The following FGF12 variants were observed in gnomAD, a reference collection of about 807,000 sequenced individuals.
FGF12 encodes fibroblast growth factor 12.
FGF12 carries 14 observed loss-of-function variants against 23.6 expected under a neutral mutation model. That is an observed-to-expected ratio of 0.59 (90% CI 0.39 to 0.93). FGF12 has a LOEUF of 0.93. Ranked by LOEUF, FGF12 falls within the 40% of genes least tolerant of loss-of-function variation. The probability of loss-of-function intolerance (pLI) is 0.00; values close to 1 mark genes in which losing one functional copy is unlikely to be tolerated. For synonymous variants in FGF12, 62 were observed against 77.3 expected, an observed-to-expected ratio of 0.80 and a Z score of 1.04; for missense variants, 175 against 217.8, an observed-to-expected ratio of 0.80 and a Z score of 1.24.
chr3:192,226,189 T>G (rs1177199459), intron 4 of FGF12, among the ~76,000 whole-genome samples: 1 of 152,172 alleles, frequency 6.6e-6, no homozygotes, highest in Admixed American at 6.6e-5. Flanking sequence ...CAAGACTAAG[T>G]GAACCATTGC....
chr3:192,296,108 G>C (rs1715023331), intron 4 of FGF12, among the ~76,000 whole-genome samples: 1 of 99,446 alleles, frequency 1.0e-5, no homozygotes, highest in African/African-American at 3.9e-5. Context: ...GTTTCACCAT[G>C]TTGCCCAGGC....
chr3:192,507,508 T>G (rs1724351101), intron 2 of FGF12, among the ~76,000 whole-genome samples: 1 of 152,200 alleles, frequency 6.6e-6, no homozygotes, highest in Non-Finnish European at 1.5e-5. Flanking sequence ...ATTTGTCTTC[T>G]ATAACTGTAA....
At chr3:192,379,706 A>T (rs1465649770) in intron 2 of FGF12, among the ~76,000 whole-genome samples, 1 of 152,218 alleles carries the variant, frequency 6.6e-6, no homozygotes, top group East Asian at 1.9e-4. Flanking sequence ...TGCCTTATTT[A>T]CTCAATTTAA....
intron 4 of FGF12, among the ~76,000 whole-genome samples, chr3:192,217,826 T>A (rs1718270064): frequency 1.3e-5 from 2 of 151,998 alleles, no homozygotes; most frequent in South Asian, 2.1e-4. Flanking sequence ...CTTTTCTTTT[T>A]TTCTTTTCTT....
At chr3:192,686,637 T>C (rs1717743961) in intron 2 of FGF12, among the ~76,000 whole-genome samples, 1 of 152,066 alleles carries the variant, frequency 6.6e-6, no homozygotes. Context: ...AGAAGTTATT[T>C]GGAGATCACA....
chr3:192,454,417 CA>C (rs1722618802), intron 2 of FGF12, among the ~76,000 whole-genome samples: 1 of 152,042 alleles, frequency 6.6e-6, no homozygotes, highest in African/African-American at 2.4e-5. Flanking sequence ...CCTGTTTCGT[CA>C]GCAGAATAAA....
At chr3:192,670,157 G>A (rs1388281601) in intron 2 of FGF12, among the ~76,000 whole-genome samples, 1 of 152,100 alleles carries the variant, frequency 6.6e-6, no homozygotes, top group Non-Finnish European at 1.5e-5. Context: ...TGCAGAAGTA[G>A]ATTGACAATC....
rs1426484989 is a variant in FGF12 at position 192,360,101 on chromosome 3, A to C, written c.124+327T>G. ...CACTTGGTTCCGGGATTTAAATACC[A>C]TCTTGTGTTGGAAGATGTGCTTGTA... On this transcript the variant is annotated intron_variant, in intron 3 of 5. Transcript: ENST00000445105. The surrounding 1 kb of genome is among the most constrained non-coding windows in gnomAD (Gnocchi z 4.3). Among the ~76,000 whole-genome samples, 1 of 152,122 alleles carries C rather than the reference A, an allele frequency of 6.6e-6. No homozygotes were observed. Among genetic ancestry groups the C allele is most frequent in the East Asian group, 1.9e-4 (1 of 5,178 alleles).
intron 2 of FGF12, among the ~76,000 whole-genome samples, chr3:192,474,948 G>T (rs61266850): frequency 0.099 from 14,984 of 151,436 alleles, 2,414 homozygotes; most frequent in African/African-American, 0.34. Context: ...AAGAGAGTAG[G>T]AGAATTAACA....
At chr3:192,543,247 C>T (rs1725415704) in intron 2 of FGF12, among the ~76,000 whole-genome samples, 1 of 152,202 alleles carries the variant, frequency 6.6e-6, no homozygotes, top group Non-Finnish European at 1.5e-5. Context: ...CTCTTCCCTC[C>T]CTTTTCTGTA....
intron 4 of FGF12, among the ~76,000 whole-genome samples, chr3:192,226,094 A>T (rs902307294): frequency 6.6e-6 from 1 of 152,142 alleles, no homozygotes; most frequent in Admixed American, 6.6e-5. Flanking sequence ...GCTCCTCACC[A>T]CCTGCAAAAA....
chr3:192,291,981 C>T (rs990084230), intron 4 of FGF12, among the ~76,000 whole-genome samples: 1 of 152,120 alleles, frequency 6.6e-6, no homozygotes, highest in African/African-American at 2.4e-5. Flanking sequence ...ATTTGAAATG[C>T]CATTTAAGTA....
At chr3:192,305,130 T>A (rs1327631641) in intron 4 of FGF12, among the ~76,000 whole-genome samples, 7 of 152,096 alleles carry the variant, frequency 4.6e-5, no homozygotes, top group Admixed American at 2.0e-4. Flanking sequence ...ACTAAATTGT[T>A]ATAAATGCAT....
chr3:192,672,791 T>C (rs1717175126), intron 2 of FGF12, among the ~76,000 whole-genome samples: 1 of 150,982 alleles, frequency 6.6e-6, no homozygotes, highest in Non-Finnish European at 1.5e-5. Flanking sequence ...AGTTTGGAAC[T>C]CTTGGCAAGA....
intron 5 of FGF12, among the ~76,000 whole-genome samples, chr3:192,144,644 G>A (rs1423541627): frequency 1.3e-5 from 2 of 152,140 alleles, no homozygotes; most frequent in Non-Finnish European, 2.9e-5. Context: ...CAATTTCCCC[G>A]ACTGCCCTAC....
chr3:192,575,423 T>C (rs1047626549), intron 2 of FGF12, among the ~76,000 whole-genome samples: 5 of 152,122 alleles, frequency 3.3e-5, no homozygotes, highest in Admixed American at 3.3e-4. Context: ...GTACTTCAGT[T>C]TGGAATAAAG....
At chr3:192,146,126 G>C (rs1195090462) in intron 5 of FGF12, among the ~76,000 whole-genome samples, 1 of 151,996 alleles carries the variant, frequency 6.6e-6, no homozygotes, top group Non-Finnish European at 1.5e-5. Context: ...CACATCTGCA[G>C]GTCACCCCAC....
Position 192,141,705 on chromosome 3 carries a change from CTT to C in FGF12, c.*2302_*2303del, listed in dbSNP as rs967609591. 2.0e-5 allele frequency: 3 copies of C among 151,916 alleles called. No individual in the cohort carries two copies. The highest frequency in any genetic ancestry group is 3.9e-4 in the East Asian group (2 of 5,186). The allele number at this position is 151,916 out of a possible 1,614,324, so 9.4% of individuals were successfully genotyped here. On this transcript the variant is annotated 3_prime_UTR_variant, in exon 6 of 6. Coordinates refer to ENST00000445105, the MANE Select transcript of FGF12 (RefSeq NM_004113.6). ...ATATCTCTATTTTTTTCATAACAAA[CTT>C]AATTAAATATATTTTGTCATGAAAT...
At chr3:192,363,951 T>C (rs1718857600) in intron 2 of FGF12, among the ~76,000 whole-genome samples, 1 of 152,178 alleles carries the variant, frequency 6.6e-6, no homozygotes, top group Non-Finnish European at 1.5e-5. Flanking sequence ...AACATATTTG[T>C]GTATAATACC....
Sources: gnomAD v4.1 joint callset for allele counts (sites outside exome capture counted in the v4.1 genomes callset) on GRCh38, gnomAD v4.1.1 for gene constraint, Gnocchi (gnomAD v3.1) non-coding constraint, MANE v1.5 for transcripts, NCBI Gene and HGNC (gene_info 2026-07-23, HGNC 2026-07-21) for gene names.